The following TMBIM6 variants were observed in gnomAD, a reference collection of about 807,000 sequenced individuals.
The protein encoded by TMBIM6 is bax inhibitor 1.
In TMBIM6, 13 loss-of-function variants were observed where a neutral mutation model predicts 31.4. The ratio of observed to expected loss-of-function variants is 0.41; its 90% CI spans 0.27 to 0.66. TMBIM6 has a LOEUF of 0.66. Ranked by LOEUF, TMBIM6 falls within the 30% of genes least tolerant of loss-of-function variation. The pLI is 0.28. For missense variants in TMBIM6, 275 were observed against 289.5 expected, an observed-to-expected ratio of 0.95 and a Z score of 0.36; for synonymous variants, 85 against 101.7, an observed-to-expected ratio of 0.84 and a Z score of 0.99.
intron 9 of TMBIM6, chr12:49,762,136 A>G (rs1454182131): frequency 4.5e-6 from 1 of 221,216 alleles, no homozygotes; most frequent in South Asian, 7.9e-5. Context: ...CCATTTGTTA[A>G]TTTTTTTTTC....
chr12:49,758,554 C>A, intron 6 of TMBIM6, 74 bp downstream of exon 6: 3 of 1,554,908 alleles, frequency 1.9e-6, no homozygotes, highest in South Asian at 2.2e-5. Flanking sequence ...CCTTCCTTAC[C>A]CCTAACTCCT....
Position 49,761,768 on chromosome 12 carries a change from A to G in TMBIM6, c.679A>G (p.Met227Val), listed in dbSNP as rs758729146. The G allele has an allele frequency of 5.0e-6, 8 of 1,614,122 alleles. No individual in the cohort carries two copies. The highest frequency in any genetic ancestry group is 2.7e-5 in the African/African-American group (2 of 74,952). The change falls in exon 9 of 10, where the codon ATG (methionine) becomes GTG (valine). Residue 227 changes from methionine to valine, a missense_variant. Transcript: ENST00000267115. ...VFRKLMMILA[M>V]NEKDKKKEKK Reference sequence around the variant, plus strand: ...CAGAAAACTCATGATGATCCTGGCCATGAATGAAAAGGTTAGTTAGCCTAC... The same window carrying G: ...CAGAAAACTCATGATGATCCTGGCCGTGAATGAAAAGGTTAGTTAGCCTAC...
At chr12:49,761,227 T>C (rs1434877987) in intron 8 of TMBIM6, among the ~76,000 whole-genome samples, 1 of 152,086 alleles carries the variant, frequency 6.6e-6, no homozygotes, top group Non-Finnish European at 1.5e-5. Context: ...TTCAGAGCGC[T>C]TGAGACAGGG....
chr12:49,755,458 G>A lies in TMBIM6; in HGVS notation c.166-177G>A, dbSNP rs150314850. On this transcript the variant is annotated intron_variant, in intron 3 of 9. Coordinates refer to ENST00000267115, the MANE Select transcript of TMBIM6 (RefSeq NM_003217.3). ...CATGGTCCTAACTCTGTGCTTCAAGGCTTCTGGGTTATCTCCTCAGCCCCA... is the reference window on the plus strand; with the variant it reads ...CATGGTCCTAACTCTGTGCTTCAAGACTTCTGGGTTATCTCCTCAGCCCCA... 7.3e-4 allele frequency among the ~76,000 whole-genome samples: 111 copies of A among 152,254 alleles called. 1 individual carries two copies. The highest frequency in any genetic ancestry group is 2.6e-3 in the African/African-American group (109 of 41,546).
rs151056852 is a variant in TMBIM6 at position 49,756,652 on chromosome 12, C to G, written c.286+897C>G. 1.6e-4 allele frequency among the ~76,000 whole-genome samples: 24 copies of G among 151,962 alleles called. No individual in the cohort carries two copies. The East Asian group carries it at 4.7e-3, about 29-fold the overall frequency. On this transcript the variant is annotated intron_variant, in intron 4 of 9. Coordinates refer to ENST00000267115, the MANE Select transcript of TMBIM6 (RefSeq NM_003217.3). ...ATGTTGGCCAGGATGGTCTTGATCT[C>G]CTGACCTCGTGATCTGCTCGCCTCA...
chr12:49,753,924 C>CTT (rs201872079), intron 3 of TMBIM6, among the ~76,000 whole-genome samples: 2,060 of 138,320 alleles, frequency 0.015, 23 homozygotes, highest in Middle Eastern at 0.034. Flanking sequence ...ACTCATGGCA[C>CTT]TTTTTTTTTT....
chr12:49,762,136 AT>A (rs921297058), intron 9 of TMBIM6: 68 of 221,602 alleles, frequency 3.1e-4, no homozygotes, highest in African/African-American at 7.4e-4. Context: ...CCATTTGTTA[AT>A]TTTTTTTTCC....
intron 7 of TMBIM6, 91 bp from the exon 8 acceptor site, chr12:49,759,130 C>T: frequency 9.0e-6 from 10 of 1,111,626 alleles, no homozygotes; most frequent in Non-Finnish European, 1.1e-5. Flanking sequence ...ATTTGATGTA[C>T]TTTCAAGTGA....
rs765505366 is a variant in TMBIM6, at chr12:49,758,775, C to T, written c.513+13C>T. The T allele has an allele frequency of 6.2e-7, 1 of 1,609,120 alleles. No individual in the cohort carries two copies. ...TTGGCTTTTCCAGGTAAGACTTAGC[C>T]TGGAACTTTCCAGCAGCCATTTGCC... On this transcript the variant is annotated intron_variant, in intron 7 of 9. Coordinates refer to ENST00000267115, the MANE Select transcript of TMBIM6 (RefSeq NM_003217.3).
intron 3 of TMBIM6, among the ~76,000 whole-genome samples, 153 bp downstream of exon 3, chr12:49,753,234 C>A (rs889255121): frequency 6.6e-6 from 1 of 152,182 alleles, no homozygotes; most frequent in African/African-American, 2.4e-5. Context: ...ACATGTAAAG[C>A]CATTTTAATT....
At chr12:49,757,772 G>C (rs1193164708) in intron 4 of TMBIM6, among the ~76,000 whole-genome samples, 1 of 152,224 alleles carries the variant, frequency 6.6e-6, no homozygotes, top group Non-Finnish European at 1.5e-5. Flanking sequence ...CTGTTGGCAG[G>C]TGTCCACCTG....
intron 1 of TMBIM6, among the ~76,000 whole-genome samples, chr12:49,747,429 C>T (rs915954966): frequency 1.3e-5 from 2 of 151,998 alleles, no homozygotes; most frequent in East Asian, 1.9e-4. Flanking sequence ...CTTCCTCAGC[C>T]TCCCAAGTAG....
rs1477026997 is a variant in TMBIM6, at chr12:49,759,792, C to T, written c.614+471C>T. Among the ~76,000 whole-genome samples the T allele has an allele frequency of 2.9e-5, 4 of 136,230 alleles. No individual in the cohort carries two copies. The South Asian group carries it at 6.9e-4, about 24-fold the overall frequency. 89.4% of individuals were successfully genotyped at this position (136,230 alleles called of 152,430 possible). A position where few individuals can be genotyped will look rare whatever the true frequency, so the allele number is the denominator to read the frequency against. ...ACTGCACTCCAGCCTGGCAACAGAG[C>T]GAGACCCTGTCTCAAAAAAAAAAAA... On this transcript the variant is annotated intron_variant, in intron 8 of 9. Coordinates refer to ENST00000267115, the MANE Select transcript of TMBIM6 (RefSeq NM_003217.3).
chr12:49,747,189 T>A (rs1355549195), intron 1 of TMBIM6, among the ~76,000 whole-genome samples: 1 of 152,128 alleles, frequency 6.6e-6, no homozygotes, highest in African/African-American at 2.4e-5. Flanking sequence ...ATCAATTTGG[T>A]CCCTTCTAGA....
intron 8 of TMBIM6, among the ~76,000 whole-genome samples, chr12:49,760,351 A>G (rs1057460791): frequency 6.6e-6 from 1 of 152,054 alleles, no homozygotes; most frequent in Non-Finnish European, 1.5e-5. Flanking sequence ...ACTGTGCTCA[A>G]GCAGTACTCC....
intron 9 of TMBIM6, chr12:49,762,071 T>C (rs1945730377): frequency 5.7e-6 from 2 of 351,352 alleles, no homozygotes; most frequent in Admixed American, 8.8e-5. Context: ...TAGTTGTGAC[T>C]CAGAGAAAGG....
intron 8 of TMBIM6, among the ~76,000 whole-genome samples, chr12:49,760,231 T>C (rs181260134): frequency 5.9e-4 from 90 of 152,154 alleles, no homozygotes; most frequent in African/African-American, 2.0e-3. Context: ...TACTTCTGTA[T>C]TTTTTAAACA....
rs900972219 is a variant in TMBIM6, at chr12:49,764,013, G to A, written c.*1117G>A. 1.3e-5 allele frequency: 2 copies of A among 152,118 alleles called. No homozygotes were observed. Among genetic ancestry groups the A allele is most frequent in the African/African-American group, 4.8e-5 (2 of 41,426 alleles). 9.4% of individuals were successfully genotyped at this position (152,118 alleles called of 1,614,324 possible). A position where few individuals can be genotyped will look rare whatever the true frequency, so the allele number is the denominator to read the frequency against. On this transcript the variant is annotated 3_prime_UTR_variant, in exon 10 of 10. Transcript: ENST00000267115. ...GTAGGTAGTGTCAAGCCAGAGATTC[G>A]GGGCAGTAGATAAATGTTCATTTTA...
intron 1 of TMBIM6, among the ~76,000 whole-genome samples, chr12:49,749,417 C>CT (rs1387637522): frequency 1.0e-4 from 15 of 149,820 alleles, no homozygotes; most frequent in African/African-American, 3.3e-4. Context: ...AATGTAAGTC[C>CT]TTTTCTTTTT....
Sources: gnomAD v4.1 joint callset for allele counts (sites outside exome capture counted in the v4.1 genomes callset) on GRCh38, gnomAD v4.1.1 for gene constraint, MANE v1.5 for transcripts, NCBI Gene and HGNC (gene_info 2026-07-23, HGNC 2026-07-21) for gene names.